MYO16: variants seen among roughly 807,000 people sequenced by gnomAD.
The protein encoded by MYO16 is myosin XVI, also known as unconventional myosin-XVI.
Under a neutral mutation model 205.3 loss-of-function variants are expected in MYO16, and 94 were observed. The ratio of observed to expected loss-of-function variants is 0.46; its 90% CI spans 0.39 to 0.54. The LOEUF is 0.54. Among genes scored for constraint, MYO16 ranks in the 20% least tolerant of loss-of-function variants. The probability of loss-of-function intolerance (pLI) is 0.00; values close to 1 mark genes in which losing one functional copy is unlikely to be tolerated. For missense variants in MYO16, 2,315 were observed against 2,387.5 expected, an observed-to-expected ratio of 0.97 and a Z score of 0.63; for synonymous variants, 988 against 954.0, an observed-to-expected ratio of 1.04 and a Z score of -0.66.
the MYO16 span, among the ~76,000 whole-genome samples, chr13:108,556,382 G>A: frequency 5.3e-5 from 8 of 152,008 alleles, no homozygotes; most frequent in South Asian, 1.7e-3. Context: ...CTGATGATTA[G>A]TGAGTTTGAG....
chr13:109,136,607 G>A (rs1876789257), intron 31 of MYO16, among the ~76,000 whole-genome samples: 1 of 152,154 alleles, frequency 6.6e-6, no homozygotes. Flanking sequence ...ATGTCACCCT[G>A]TTCATTTTCT....
chr13:109,034,349 A>AC (rs1190105728), intron 23 of MYO16, among the ~76,000 whole-genome samples: 9 of 152,186 alleles, frequency 5.9e-5, no homozygotes, highest in African/African-American at 1.7e-4. Context: ...TGATTGAATC[A>AC]TGGGGGTGGT....
intron 20 of MYO16, among the ~76,000 whole-genome samples, chr13:108,988,918 G>A (rs1182806593): frequency 1.3e-5 from 2 of 152,114 alleles, no homozygotes; most frequent in Non-Finnish European, 2.9e-5. Context: ...TATTCCTGAA[G>A]TTGTCCCTGC....
intron 16 of MYO16, among the ~76,000 whole-genome samples, chr13:108,953,032 C>T (rs1883215645): frequency 6.6e-6 from 1 of 152,062 alleles, no homozygotes; most frequent in South Asian, 2.1e-4. Context: ...AGCGAGTCCA[C>T]TGGCCACTGG....
the MYO16 span, among the ~76,000 whole-genome samples, chr13:108,576,792 C>T: frequency 1.3e-5 from 2 of 151,866 alleles, no homozygotes; most frequent in Admixed American, 6.6e-5. Context: ...GACAGGATCT[C>T]GCTGTGTTGC....
chr13:108,535,306 A>G, the MYO16 span, among the ~76,000 whole-genome samples: 3 of 152,134 alleles, frequency 2.0e-5, no homozygotes, highest in Non-Finnish European at 4.4e-5. Flanking sequence ...CAACATCTAA[A>G]ATACCAATTG....
At chr13:109,080,420 G>T (rs2139668454) in intron 27 of MYO16, among the ~76,000 whole-genome samples, 1 of 152,212 alleles carries the variant, frequency 6.6e-6, no homozygotes, top group African/African-American at 2.4e-5. Flanking sequence ...TTTTAATTAA[G>T]TTAAAATTAA....
chr13:108,806,166 A>G (rs944481631), intron 6 of MYO16, among the ~76,000 whole-genome samples: 1 of 152,150 alleles, frequency 6.6e-6, no homozygotes, highest in South Asian at 2.1e-4. Flanking sequence ...TGGTAGCTAC[A>G]CAATCATTTT....
chr13:109,133,151 G>T (rs532068425), intron 31 of MYO16, among the ~76,000 whole-genome samples: 1 of 152,292 alleles, frequency 6.6e-6, no homozygotes, highest in South Asian at 2.1e-4. Context: ...TGTCCATTTT[G>T]CAGCTGGTTG....
chr13:108,565,126 C>T, the MYO16 span, among the ~76,000 whole-genome samples: 1 of 152,064 alleles, frequency 6.6e-6, no homozygotes, highest in African/African-American at 2.4e-5. Context: ...ATTTTCTTAC[C>T]TATTCTCTAT....
At chr13:108,656,717 T>G (rs1322774849) in intron 1 of MYO16, among the ~76,000 whole-genome samples, 1 of 152,240 alleles carries the variant, frequency 6.6e-6, no homozygotes, top group African/African-American at 2.4e-5. Context: ...TGATTCATTT[T>G]CCTTTTGGAA....
rs553798510 is a variant in MYO16 at position 108,861,032 on chromosome 13, A to G, written c.1360-5145A>G. Among the ~76,000 whole-genome samples, 5 of 152,324 alleles carry G rather than the reference A, an allele frequency of 3.3e-5. No individual in the cohort carries two copies. In the South Asian group the frequency reaches 6.2e-4, roughly 19 times the overall value. On this transcript the variant is annotated intron_variant, in intron 11 of 34. Coordinates refer to ENST00000457511, the MANE Select transcript of MYO16 (RefSeq NM_001198950.3). ...TATTTATTTTCTTATTTACTTGGGT[A>G]TAGAATACTGAGCAATCATTTTTTC... is the stretch of plus-strand genomic sequence containing the variant.
chr13:108,614,120 C>A (rs934075132), intron 1 of MYO16, among the ~76,000 whole-genome samples: 6 of 152,148 alleles, frequency 3.9e-5, no homozygotes, highest in African/African-American at 1.2e-4. Flanking sequence ...TAAATGAGTT[C>A]TGAATGTTTA....
intron 23 of MYO16, among the ~76,000 whole-genome samples, chr13:109,022,159 A>T (rs1240924140): frequency 7.3e-6 from 1 of 137,820 alleles, no homozygotes; most frequent in African/African-American, 2.9e-5. Flanking sequence ...ATACAAATTT[A>T]TATATACAAA....
chr13:109,000,965 T>C (rs1467308557), intron 21 of MYO16, among the ~76,000 whole-genome samples: 1 of 152,016 alleles, frequency 6.6e-6, no homozygotes, highest in East Asian at 1.9e-4. Flanking sequence ...ATCAAAATAC[T>C]AGATTTTTTT....
chr13:108,620,220 G>A (rs1253239950), intron 1 of MYO16, among the ~76,000 whole-genome samples: 2 of 151,718 alleles, frequency 1.3e-5, no homozygotes, highest in East Asian at 3.9e-4. Context: ...ATAAGTTGAA[G>A]CCTTAAAAAA....
At chr13:108,855,011 A>G (rs9559425) in intron 10 of MYO16, among the ~76,000 whole-genome samples, 13,916 of 152,214 alleles carry the variant, frequency 0.091, 785 homozygotes, top group Non-Finnish European at 0.12. Flanking sequence ...TTTCTTCCTT[A>G]CCATGCCAAC....
intron 6 of MYO16, among the ~76,000 whole-genome samples, chr13:108,806,050 G>T (rs1887104333): frequency 6.6e-6 from 1 of 152,092 alleles, no homozygotes; most frequent in African/African-American, 2.4e-5. Flanking sequence ...GATTAAGGCT[G>T]CAGTAAGACA....
In MYO16 at chr13:108,642,123, C is replaced by A. The variant is rs117168486; in HGVS notation, c.28+12251C>A. 2.6e-4 allele frequency among the ~76,000 whole-genome samples: 39 copies of A among 152,270 alleles called. No individual in the cohort carries two copies. In the East Asian group the frequency reaches 7.5e-3, roughly 29 times the overall value. On this transcript the variant is annotated intron_variant, in intron 1 of 34. Transcript: ENST00000457511. ...CCATCCCAATTCATTTCCTAGGTAGCTGTGAAAGTCAATCAATTTATTAAT... is the reference window on the plus strand; with the variant it reads ...CCATCCCAATTCATTTCCTAGGTAGATGTGAAAGTCAATCAATTTATTAAT...
Sources: gnomAD v4.1 joint callset for allele counts (sites outside exome capture counted in the v4.1 genomes callset) on GRCh38, gnomAD v4.1.1 for gene constraint, MANE v1.5 for transcripts, NCBI Gene and HGNC (gene_info 2026-07-23, HGNC 2026-07-21) for gene names.